Variants in SHCBP1L observed in about 807,000 individuals in gnomAD.
SHCBP1L encodes SHC binding and spindle associated 1 like, also known as testicular spindle-associated protein SHCBP1L.
In SHCBP1L, 67 loss-of-function variants were observed where a neutral mutation model predicts 62.5. The ratio of observed to expected loss-of-function variants is 1.07; its 90% CI spans 0.88 to 1.31. SHCBP1L has a LOEUF of 1.31. Ranked by LOEUF, SHCBP1L falls within the 40% of genes most tolerant of loss-of-function variation. The pLI, the probability that SHCBP1L is intolerant of heterozygous loss-of-function variation, is 0.00. For synonymous variants in SHCBP1L, 284 were observed against 289.4 expected (o/e 0.98, Z 0.19); for missense variants, 823 against 809.8 (o/e 1.02, Z -0.20).
rs745862706 is a variant in SHCBP1L, at chr1:182,904,191, T to A, written c.1576A>T (p.Thr526Ser). Residue 526 changes from threonine (T) to serine (S), a missense_variant, in exon 8 of 10, where the codon ACT becomes TCT. Transcript: ENST00000367547. ...AALTITDSEI[T>S]GAQGAGVELY... Reference sequence around the variant, plus strand: ...AAAGAATGAAATACCTGGGCGCCAGTTATTTCACTGTCTGTAATTGTCAAA... The same window carrying A: ...AAAGAATGAAATACCTGGGCGCCAGATATTTCACTGTCTGTAATTGTCAAA... 6.2e-7 allele frequency: 1 copy of A among 1,613,948 alleles called. No homozygotes were observed. The highest frequency in any genetic ancestry group is 8.5e-7 in the Non-Finnish European group (1 of 1,179,972).
intron 5 of SHCBP1L, among the ~76,000 whole-genome samples, chr1:182,932,133 C>G (rs1472135384): frequency 7.7e-6 from 1 of 129,762 alleles, no homozygotes; most frequent in Non-Finnish European, 1.5e-5. Context: ...TGCTGAATAA[C>G]ATTCCTTGTC....
At chr1:182,926,619 C>A (rs1171185635) in intron 6 of SHCBP1L, among the ~76,000 whole-genome samples, 5 of 151,934 alleles carry the variant, frequency 3.3e-5, no homozygotes, top group African/African-American at 1.2e-4. Context: ...TGAATCAAAT[C>A]CAGGTTTTTA....
At chr1:182,952,683 T>G (rs773987187) in intron 1 of SHCBP1L, 46 bp downstream of exon 1, 1 of 1,544,196 alleles carries the variant, frequency 6.5e-7, no homozygotes, top group Admixed American at 1.9e-5. Flanking sequence ...GTCCCCAGGT[T>G]CCGACGAGCT....
chr1:182,930,653 A>ATG (rs1182783771), intron 5 of SHCBP1L, among the ~76,000 whole-genome samples: 770 of 24,650 alleles, frequency 0.031, 26 homozygotes, highest in African/African-American at 0.046. Context: ...CCTGGAGTAT[A>ATG]TGTGTGTGTG....
chr1:182,944,279 C>T (rs1396450501), intron 2 of SHCBP1L: 1 of 152,352 alleles, frequency 6.6e-6, no homozygotes, highest in Non-Finnish European at 1.5e-5. Flanking sequence ...GTGGCGTGCA[C>T]CTATAGTCCC....
At chr1:182,915,140 C>T (rs1281010660) in intron 6 of SHCBP1L, among the ~76,000 whole-genome samples, 1 of 105,952 alleles carries the variant, frequency 9.4e-6, no homozygotes, top group East Asian at 3.3e-4. Context: ...CCATTCTGGG[C>T]AACAGAGGCA....
intron 2 of SHCBP1L, among the ~76,000 whole-genome samples, chr1:182,941,941 G>T (rs1259657112): frequency 1.3e-5 from 2 of 152,010 alleles, no homozygotes; most frequent in African/African-American, 4.8e-5. Context: ...TTAAAAAAAA[G>T]CATTTACACT....
At position 182,930,549 on chromosome 1, in the gene SHCBP1L, GTGTATATATATATATATATA is replaced by G. The variant is rs1327995617; in HGVS notation, c.1077-817_1077-798del. On this transcript the variant is annotated intron_variant, in intron 5 of 9. Coordinates refer to ENST00000367547, the MANE Select transcript of SHCBP1L (RefSeq NM_030933.4). ...CTAAGAGGATGTGGCTTTAGTGTGT[GTGTATATATATATATATATA>G]TATATATATATATATATATATATAT... Among the ~76,000 whole-genome samples, 71 of 48,840 alleles carry G rather than the reference GTGTATATATATATATATATA, an allele frequency of 1.5e-3. 1 individual carries two copies. Among genetic ancestry groups the G allele is most frequent in the African/African-American group, 0.013 (70 of 5,454 alleles). The allele number at this position is 48,840 out of a possible 152,430, so 32.0% of individuals were successfully genotyped here. A position where few individuals can be genotyped will look rare whatever the true frequency, so the allele number is the denominator to read the frequency against.
chr1:182,902,955 C>T, intron 9 of SHCBP1L, 84 bp downstream of exon 9: 1 of 1,090,388 alleles, frequency 9.2e-7, no homozygotes, highest in South Asian at 2.4e-5. Flanking sequence ...TGTAGACTGC[C>T]TTTTAAGACT....
At chr1:182,904,099 T>C in intron 8 of SHCBP1L, 81 bp downstream of exon 8, 1 of 1,492,848 alleles carries the variant, frequency 6.7e-7, no homozygotes, top group Non-Finnish European at 9.0e-7. Flanking sequence ...AAGAAATTGC[T>C]ACCCTTTATT....
chr1:182,930,728 T>TATGTA (rs1650969514), intron 5 of SHCBP1L, among the ~76,000 whole-genome samples: 1 of 4,480 alleles, frequency 2.2e-4, no homozygotes, highest in African/African-American at 3.3e-4. Flanking sequence ...TATATATGTA[T>TATGTA]TTTTTTTTTT....
chr1:182,902,868 C>T (rs990427303), intron 9 of SHCBP1L, among the ~76,000 whole-genome samples, 171 bp downstream of exon 9: 1 of 152,102 alleles, frequency 6.6e-6, no homozygotes, highest in Non-Finnish European at 1.5e-5. Flanking sequence ...AATTATAAGG[C>T]TAAACTTATT....
intron 5 of SHCBP1L, among the ~76,000 whole-genome samples, chr1:182,935,393 T>A (rs1651133276): frequency 6.6e-6 from 1 of 152,184 alleles, no homozygotes; most frequent in Admixed American, 6.5e-5. Context: ...GGTATATACC[T>A]AAGTATTTCA....
chr1:182,951,774 A>T (rs1651751641), intron 1 of SHCBP1L, among the ~76,000 whole-genome samples: 1 of 152,126 alleles, frequency 6.6e-6, no homozygotes, highest in Non-Finnish European at 1.5e-5. Context: ...CAGGTACACA[A>T]ATTCTTCTGC....
chr1:182,936,608 C>A (rs180943448), intron 5 of SHCBP1L, among the ~76,000 whole-genome samples: 134 of 152,300 alleles, frequency 8.8e-4, no homozygotes, highest in African/African-American at 3.1e-3. Context: ...ACATGTCATG[C>A]AGATACCATA....
chr1:182,941,903 A>G (rs1316845046), intron 2 of SHCBP1L, among the ~76,000 whole-genome samples: 1 of 152,218 alleles, frequency 6.6e-6, no homozygotes, highest in African/African-American at 2.4e-5. Flanking sequence ...GTACCAAAAA[A>G]TAAACAACCA....
intron 6 of SHCBP1L, among the ~76,000 whole-genome samples, chr1:182,915,951 C>T (rs1340420049): frequency 2.6e-5 from 4 of 151,990 alleles, no homozygotes; most frequent in Admixed American, 6.6e-5. Context: ...GGACCACAGG[C>T]GCCCGCCATC....
At chr1:182,916,674 C>G (rs780853464) in intron 6 of SHCBP1L, among the ~76,000 whole-genome samples, 1 of 152,072 alleles carries the variant, frequency 6.6e-6, no homozygotes, top group Non-Finnish European at 1.5e-5. Flanking sequence ...ACACAGTTTA[C>G]CAAAACTGGC....
chr1:182,905,941 T>C (rs1375395293), intron 6 of SHCBP1L, among the ~76,000 whole-genome samples: 1 of 152,156 alleles, frequency 6.6e-6, no homozygotes, highest in East Asian at 1.9e-4. Flanking sequence ...GACGTATTAT[T>C]ATTATTATTT....
Sources: allele counts gnomAD v4.1 joint callset (sites outside exome capture counted in the v4.1 genomes callset), GRCh38; gene constraint gnomAD v4.1.1; transcripts MANE v1.5; gene names NCBI Gene and HGNC (gene_info 2026-07-23, HGNC 2026-07-21).